HELLS: variants seen among roughly 807,000 people sequenced by gnomAD.
HELLS encodes the protein lymphoid-specific helicase.
HELLS carries 32 observed loss-of-function variants against 120.0 expected under a neutral mutation model. The ratio of observed to expected loss-of-function variants is 0.27; its 90% confidence interval spans 0.20 to 0.36. HELLS has a LOEUF of 0.36. Among genes scored for constraint, HELLS ranks in the 10% least tolerant of loss-of-function variants. HELLS has a pLI of 1.00. For synonymous variants in HELLS, 341 were observed against 323.4 expected (o/e 1.05, Z -0.58); for missense variants, 650 against 993.4 (o/e 0.65, Z 4.65).
At chr10:94,570,124 C>T (rs564058063) in intron 6 of HELLS, 3 of 151,064 alleles carry the variant, frequency 2.0e-5, no homozygotes, top group African/African-American at 7.3e-5. Context: ...CTCATTGAAC[C>T]TCTGATTGCT....
intron 9 of HELLS, 36 bp from the exon 10 acceptor site, chr10:94,576,623 GTTC>G (rs776404693): frequency 2.1e-4 from 249 of 1,191,244 alleles, no homozygotes; most frequent in Non-Finnish European, 2.8e-4. Flanking sequence ...TTTACATTTT[GTTC>G]TTAAGTCTGA....
downstream of HELLS, among the ~76,000 whole-genome samples, chr10:94,603,499 T>C (rs1846089738): frequency 6.6e-6 from 1 of 152,232 alleles, no homozygotes; most frequent in South Asian, 2.1e-4. Flanking sequence ...CATTGAAATA[T>C]CCTAAGCCTA....
chr10:94,578,112 G>C (rs1446021159), intron 10 of HELLS, among the ~76,000 whole-genome samples: 1 of 151,502 alleles, frequency 6.6e-6, no homozygotes, highest in African/African-American at 2.4e-5. Flanking sequence ...AAAATTAGCT[G>C]GGTGTGATGG....
rs545816199 is a variant in HELLS at position 94,589,836 on chromosome 10, G to A, written c.1489-577G>A. On this transcript the variant is annotated intron_variant, in intron 13 of 21. Coordinates refer to ENST00000348459, the MANE Select transcript of HELLS (RefSeq NM_018063.5). Reference sequence around the variant, plus strand: ...CGAGTAGCTGGGACTACAGTCGCCCGCCACCACGCTTGGCTAATTTTTTCT... The same window carrying A: ...CGAGTAGCTGGGACTACAGTCGCCCACCACCACGCTTGGCTAATTTTTTCT... Among the ~76,000 whole-genome samples the A allele has an allele frequency of 5.0e-4, 76 of 151,734 alleles. 1 individual carries two copies. Among genetic ancestry groups the A allele is most frequent in the African/African-American group, 1.5e-3 (62 of 41,360 alleles).
intron 4 of HELLS, among the ~76,000 whole-genome samples, chr10:94,562,098 T>A (rs1843587887): frequency 6.7e-6 from 1 of 150,100 alleles, no homozygotes; most frequent in African/African-American, 2.4e-5. Flanking sequence ...ACATGGTATT[T>A]CTAAATAAAA....
At chr10:94,556,637 T>C (rs1270159767) in intron 3 of HELLS, among the ~76,000 whole-genome samples, 2 of 152,212 alleles carry the variant, frequency 1.3e-5, no homozygotes, top group Non-Finnish European at 2.9e-5. Context: ...TATCCACAGA[T>C]AGCCAATTGA....
intron 2 of HELLS, among the ~76,000 whole-genome samples, chr10:94,552,028 C>T (rs371868267): frequency 2.6e-5 from 4 of 152,176 alleles, no homozygotes; most frequent in Non-Finnish European, 5.9e-5. Flanking sequence ...CGTGAGCCAC[C>T]GCGCCCAGCC....
chr10:94,596,686 A>G (rs1001372988), intron 19 of HELLS, among the ~76,000 whole-genome samples, 174 bp from the exon 20 acceptor site: 3 of 152,174 alleles, frequency 2.0e-5, no homozygotes, highest in Admixed American at 6.5e-5. Context: ...TCCAAAGTGG[A>G]CATATCATTT....
chr10:94,558,081 G>C, intron 3 of HELLS, 58 bp from the exon 4 acceptor site: 1 of 1,410,984 alleles, frequency 7.1e-7, no homozygotes. Flanking sequence ...ATTGATATGC[G>C]TTTTTTTTTT....
chr10:94,554,058 C>A (rs1344706561), intron 2 of HELLS, 68 bp from the exon 3 acceptor site: 38 of 1,329,160 alleles, frequency 2.9e-5, no homozygotes, highest in East Asian at 1.3e-4. Context: ...TTTTATTAAA[C>A]TTTATGCCAA....
intron 6 of HELLS, among the ~76,000 whole-genome samples, chr10:94,567,777 G>A (rs1003655916): frequency 9.9e-5 from 15 of 152,030 alleles, no homozygotes; most frequent in African/African-American, 3.6e-4. Context: ...GTGTGGTGGT[G>A]CATGACTTTG....
At chr10:94,549,561 T>A (rs1842887536) in intron 2 of HELLS, among the ~76,000 whole-genome samples, 1 of 152,138 alleles carries the variant, frequency 6.6e-6, no homozygotes, top group East Asian at 1.9e-4. Flanking sequence ...AAAAGGATCA[T>A]GATATGTGTA....
At chr10:94,594,190 T>G (rs558329683) in intron 18 of HELLS, among the ~76,000 whole-genome samples, 1 of 151,596 alleles carries the variant, frequency 6.6e-6, no homozygotes, top group East Asian at 1.9e-4. Flanking sequence ...AAATTGAAAA[T>G]TTTTTTTTAC....
chr10:94,553,550 CA>C (rs1424783449), intron 2 of HELLS, among the ~76,000 whole-genome samples: 14 of 140,760 alleles, frequency 9.9e-5, no homozygotes, highest in African/African-American at 3.6e-4. Context: ...TGCCTGGCCC[CA>C]ATTTTTTTTT....
rs567987018 is a variant in HELLS, at chr10:94,564,089, C to T, written c.435+1213C>T. On this transcript the variant is annotated intron_variant, in intron 6 of 21. Transcript: ENST00000348459. Reference sequence around the variant, plus strand: ...CCTCCAAAAGTGCTGGGATTACAGGCGTGAGCCACTGCACCCGGCCTTTGC... The same window carrying T: ...CCTCCAAAAGTGCTGGGATTACAGGTGTGAGCCACTGCACCCGGCCTTTGC... Among the ~76,000 whole-genome samples, 200 of 152,242 alleles carry T rather than the reference C, an allele frequency of 1.3e-3. 2 individuals carry two copies. In the Middle Eastern group the frequency reaches 0.044, roughly 34 times the overall value.
intron 7 of HELLS, among the ~76,000 whole-genome samples, chr10:94,572,502 G>A (rs544833514): frequency 6.6e-6 from 1 of 152,216 alleles, no homozygotes; most frequent in East Asian, 1.9e-4. Context: ...ATGTTGTTGA[G>A]CATATTAGTA....
At chr10:94,588,453 T>C (rs1166968853) in intron 13 of HELLS, 63 bp downstream of exon 13, 3 of 1,026,204 alleles carry the variant, frequency 2.9e-6, no homozygotes, top group Non-Finnish European at 2.7e-6. Context: ...CTTTTTTCCC[T>C]TTTTTTTTGA....
At chr10:94,561,926 T>C (rs374291029) in intron 4 of HELLS, among the ~76,000 whole-genome samples, 3 of 151,878 alleles carry the variant, frequency 2.0e-5, no homozygotes, top group African/African-American at 7.2e-5. Context: ...ATTCCTTCAA[T>C]ACCCTACCCT....
chr10:94,565,593 G>A (rs1169549298), intron 6 of HELLS, among the ~76,000 whole-genome samples: 2 of 152,050 alleles, frequency 1.3e-5, no homozygotes, highest in Non-Finnish European at 2.9e-5. Flanking sequence ...GGCAGGCTGA[G>A]GCAGGAGAAT....
Sources: gnomAD v4.1 joint callset for allele counts (sites outside exome capture counted in the v4.1 genomes callset) on GRCh38, gnomAD v4.1.1 for gene constraint, MANE v1.5 for transcripts, NCBI Gene and HGNC (gene_info 2026-07-23, HGNC 2026-07-21) for gene names.